Variants in SOX5 observed in about 807,000 individuals in gnomAD.
SOX5 encodes SRY-box transcription factor 5, also known as transcription factor SOX-5.
Under a neutral mutation model 92.0 loss-of-function variants are expected in SOX5, and 9 were observed. The observed-to-expected ratio is 0.10, with a 90% confidence interval of 0.06 to 0.17. SOX5 has a LOEUF of 0.17. SOX5 is among the 10% of genes least tolerant of loss of function. The pLI is 1.00. For missense variants in SOX5, 642 were observed against 944.5 expected, an observed-to-expected ratio of 0.68 and a Z score of 4.20; for synonymous variants, 344 against 336.3, an observed-to-expected ratio of 1.02 and a Z score of -0.25.
chr12:24,545,978 C>T (rs1303057597), intron 1 of SOX5, among the ~76,000 whole-genome samples: 1 of 152,210 alleles, frequency 6.6e-6, no homozygotes, highest in South Asian at 2.1e-4. Flanking sequence ...CTCACCCTCT[C>T]GCAGGTGGTG....
chr12:24,298,169 C>T (rs554777356), intron 2 of SOX5, among the ~76,000 whole-genome samples: 3 of 152,208 alleles, frequency 2.0e-5, no homozygotes, highest in South Asian at 4.1e-4. Context: ...TGGTTTCAAG[C>T]GATCCTCCCA....
At chr12:24,518,586 T>C (rs1435055039) in intron 1 of SOX5, among the ~76,000 whole-genome samples, 1 of 152,124 alleles carries the variant, frequency 6.6e-6, no homozygotes, top group Non-Finnish European at 1.5e-5. Flanking sequence ...CACTACTAGA[T>C]AACACCCAAA....
chr12:23,634,705 C>A (rs932110112), intron 8 of SOX5, among the ~76,000 whole-genome samples: 1 of 152,136 alleles, frequency 6.6e-6, no homozygotes, highest in African/African-American at 2.4e-5. Context: ...TATAAAATTT[C>A]AACATTATCT....
chr12:24,195,582 A>C (rs1277600009), intron 4 of SOX5, among the ~76,000 whole-genome samples: 1 of 152,222 alleles, frequency 6.6e-6, no homozygotes, highest in Non-Finnish European at 1.5e-5. Context: ...ATATCTGCCT[A>C]ACTAGAATTT....
At chr12:23,534,614 C>A in intron 14 of SOX5, 92 bp from the exon 15 acceptor site, 1 of 996,602 alleles carries the variant, frequency 1.0e-6, no homozygotes, top group Non-Finnish European at 1.5e-6. Context: ...CAGCAATGTC[C>A]AATTCTAAGG....
At chr12:24,536,161 T>C (rs1448769251) in intron 1 of SOX5, among the ~76,000 whole-genome samples, 1 of 152,234 alleles carries the variant, frequency 6.6e-6, no homozygotes, top group Admixed American at 6.5e-5. Context: ...CATGAAATCA[T>C]AGGCCCTACC....
chr12:23,954,482 G>A (rs12370651), upstream of SOX5, among the ~76,000 whole-genome samples: 36,589 of 148,848 alleles, frequency 0.25, 4,923 homozygotes, highest in East Asian at 0.37. Flanking sequence ...AAAGAAAGAA[G>A]GAAACTTCCA....
chr12:24,144,168 TG>T (rs1194730945), intron 4 of SOX5, among the ~76,000 whole-genome samples: 1 of 149,894 alleles, frequency 6.7e-6, no homozygotes, highest in African/African-American at 2.4e-5. Flanking sequence ...AAGCAGTGAG[TG>T]GAGCAAAATC....
chr12:23,970,481 T>C (rs757834736), intron 4 of SOX5, among the ~76,000 whole-genome samples: 12 of 152,056 alleles, frequency 7.9e-5, no homozygotes, highest in Admixed American at 7.2e-4. Flanking sequence ...GGTAACCTCA[T>C]ATCTACTTTC....
intron 6 of SOX5, among the ~76,000 whole-genome samples, chr12:23,717,214 T>C (rs2092556676): frequency 6.6e-6 from 1 of 152,238 alleles, no homozygotes; most frequent in East Asian, 1.9e-4. Context: ...GTTTGATCTC[T>C]ACCTTATTGA....
chr12:24,298,693 T>C (rs2661790), intron 2 of SOX5, among the ~76,000 whole-genome samples: 92,878 of 149,400 alleles, frequency 0.62, 29,211 homozygotes, highest in East Asian at 0.93. Context: ...AAAAATACTA[T>C]GAGAGAAGAA....
intron 6 of SOX5, among the ~76,000 whole-genome samples, chr12:23,705,782 G>A (rs76293435): frequency 6.6e-6 from 1 of 152,064 alleles, no homozygotes; most frequent in East Asian, 1.9e-4. Flanking sequence ...ACAGGAGCTC[G>A]TTTAAATGAT....
chr12:23,742,649 T>A (rs561739969), intron 4 of SOX5, among the ~76,000 whole-genome samples: 2 of 152,236 alleles, frequency 1.3e-5, no homozygotes, highest in South Asian at 4.1e-4. Flanking sequence ...CCAATACACA[T>A]CATGTCTTAG....
At chr12:24,125,330 T>C (rs1949009841) in intron 4 of SOX5, among the ~76,000 whole-genome samples, 1 of 152,166 alleles carries the variant, frequency 6.6e-6, no homozygotes, top group South Asian at 2.1e-4. Flanking sequence ...TGAATCCCAA[T>C]CACTCCCACT....
At chr12:23,974,133 C>T (rs1467426861) in intron 4 of SOX5, among the ~76,000 whole-genome samples, 3 of 152,136 alleles carry the variant, frequency 2.0e-5, no homozygotes, top group Non-Finnish European at 4.4e-5. Context: ...CAATGTACTA[C>T]AATAAAACAT....
intron 4 of SOX5, among the ~76,000 whole-genome samples, chr12:24,152,889 AAAT>A (rs1951801300): frequency 6.6e-6 from 1 of 152,170 alleles, no homozygotes; most frequent in Non-Finnish European, 1.5e-5. Context: ...ATTAGAGTTA[AAAT>A]AATGTTTCCC....
At chr12:24,451,656 G>A (rs1482191649) in intron 1 of SOX5, among the ~76,000 whole-genome samples, 7 of 152,140 alleles carry the variant, frequency 4.6e-5, no homozygotes, top group Non-Finnish European at 1.0e-4. Context: ...TTAAGAAGAT[G>A]GGTTTTAGAA....
chr12:23,744,230 T>C (rs1383668327), intron 4 of SOX5, among the ~76,000 whole-genome samples: 1 of 152,206 alleles, frequency 6.6e-6, no homozygotes, highest in East Asian at 1.9e-4. Context: ...TGAACTAACA[T>C]GCTTCAAACT....
chr12:24,005,542 T>A (rs982444341), intron 4 of SOX5, among the ~76,000 whole-genome samples: 1 of 152,188 alleles, frequency 6.6e-6, no homozygotes, highest in Non-Finnish European at 1.5e-5. Context: ...ATGACTTATT[T>A]CTTCACTAAA....
Sources: gnomAD v4.1 joint callset for allele counts (sites outside exome capture counted in the v4.1 genomes callset) on GRCh38, gnomAD v4.1.1 for gene constraint, MANE v1.5 for transcripts, NCBI Gene and HGNC (gene_info 2026-07-23, HGNC 2026-07-21) for gene names.